Variants in FOXD1 observed in about 807,000 individuals in gnomAD.
FOXD1 encodes forkhead box D1.
FOXD1 carries 4 observed loss-of-function variants against 2.0 expected under a neutral mutation model. That is an observed-to-expected ratio of 2.03 (90% confidence interval 1.00 to 4.64). FOXD1 has a LOEUF of 4.64. FOXD1 is among the 30% of genes most tolerant of loss of function. FOXD1 has a pLI of 0.01. For synonymous variants in FOXD1, 354 were observed against 328.5 expected, an observed-to-expected ratio of 1.08 and a Z score of -0.84; for missense variants, 586 against 647.6, an observed-to-expected ratio of 0.90 and a Z score of 1.03.
rs1745505434 is a variant in FOXD1 at position 73,446,825 on chromosome 5, G to A, written c.*140C>T. Reference sequence around the variant, plus strand: ...GCCCGGGCTGTTGACAGTTTTGTCCGAGAATTCGCAGCGGCGAAAATGGGC... The same window carrying A: ...GCCCGGGCTGTTGACAGTTTTGTCCAAGAATTCGCAGCGGCGAAAATGGGC... On this transcript the variant is annotated 3_prime_UTR_variant, in exon 1 of 1. Coordinates refer to ENST00000615637, the MANE Select transcript of FOXD1 (RefSeq NM_004472.3). The A allele has an allele frequency of 7.9e-6, 6 of 754,866 alleles. No individual in the cohort carries two copies. Among genetic ancestry groups the A allele is most frequent in the South Asian group, 3.0e-5 (2 of 66,684 alleles). 46.8% of individuals were successfully genotyped at this position (754,866 alleles called of 1,614,324 possible). A position where few individuals can be genotyped will look rare whatever the true frequency, so the allele number is the denominator to read the frequency against.
rs996611056 is a variant in FOXD1 at position 73,448,108 on chromosome 5, G to A, written c.255C>T (p.Gly85=). The change falls in exon 1 of 1, where the codon GGC becomes GGT. Residue 85 remains glycine (G), a synonymous_variant. Coordinates refer to ENST00000615637, the MANE Select transcript of FOXD1 (RefSeq NM_004472.3). The part of the protein sequence containing the change: ...DDILLAPPAG[G]SPAPPGPAPA... ...GGGCCGGGCCCGGGGGCGCCGGGGAGCCCCCAGCAGGCGGGGCCAGCAGGA... is the reference window on the plus strand; with the variant it reads ...GGGCCGGGCCCGGGGGCGCCGGGGAACCCCCAGCAGGCGGGGCCAGCAGGA... 89 of 1,216,530 alleles carry A rather than the reference G, an allele frequency of 7.3e-5. No individual in the cohort carries two copies. The highest frequency in any genetic ancestry group is 8.2e-5 in the Non-Finnish European group (80 of 972,540). The allele number at this position is 1,216,530 out of a possible 1,614,324, so 75.4% of individuals were successfully genotyped here. A position where few individuals can be genotyped will look rare whatever the true frequency, so the allele number is the denominator to read the frequency against.
In FOXD1 at chr5:73,446,946, G is replaced by C. The variant is rs1490435352; in HGVS notation, c.*19C>G. On this transcript the variant is annotated 3_prime_UTR_variant, in exon 1 of 1. Transcript: ENST00000615637. ...CCGGGATTCCTACCTTCTTCCTCGAGCGCGCTAACATAGCGTTATTAACAA... is the reference window on the plus strand; with the variant it reads ...CCGGGATTCCTACCTTCTTCCTCGACCGCGCTAACATAGCGTTATTAACAA... The C allele has an allele frequency of 6.5e-7, 1 of 1,535,108 alleles. No individual in the cohort carries two copies. Among genetic ancestry groups the C allele is most frequent in the African/African-American group, 1.4e-5 (1 of 72,414 alleles).
chr5:73,447,097 G>T lies in FOXD1; in HGVS notation c.1266C>A (p.Leu422=), dbSNP rs1241657787. 2.2e-6 allele frequency: 3 copies of T among 1,362,420 alleles called. No individual in the cohort carries two copies. Among genetic ancestry groups the T allele is most frequent in the Admixed American group, 8.0e-5 (2 of 24,996 alleles). 84.4% of individuals were successfully genotyped at this position (1,362,420 alleles called of 1,614,324 possible). ...AQAAVGPAAA[L]TRSLVAAAAA... ...CCGCGGCGGCCACGAGGGATCGGGT[G>T]AGCGCGGCCGCCGGGCCCACGGCCG... The change falls in exon 1 of 1, where the codon CTC becomes CTA. Residue 422 remains leucine, a synonymous_variant. Transcript: ENST00000615637. This position sits in a 1 kb window ranked among gnomAD's most constrained non-coding sequence, Gnocchi z 7.8.
rs1745531335 is a variant in FOXD1, at chr5:73,447,608, G to A, written c.755C>T (p.Ala252Val). ...GGGCGGGAAGAGCGCGGCGGCGGCT[G>A]CCGGGTCGCCCGCGCCCCCTGCGGC... ...AGAAGGAGDPAAAAALFPPAP... is the reference protein window; with the variant it reads ...AGAAGGAGDPVAAAALFPPAP... The change falls in exon 1 of 1, where the codon GCA (alanine) becomes GTA (valine). Residue 252 changes from alanine to valine, a missense_variant. Coordinates refer to ENST00000615637, the MANE Select transcript of FOXD1 (RefSeq NM_004472.3). The surrounding 1 kb of genome is among the most constrained non-coding windows in gnomAD (Gnocchi z 7.8). 12 of 1,225,250 alleles carry A rather than the reference G, an allele frequency of 9.8e-6. No individual in the cohort carries two copies. The highest frequency in any genetic ancestry group is 1.2e-5 in the Non-Finnish European group (12 of 978,604). 75.9% of individuals were successfully genotyped at this position (1,225,250 alleles called of 1,614,324 possible). A position where few individuals can be genotyped will look rare whatever the true frequency, so the allele number is the denominator to read the frequency against.
In FOXD1 at chr5:73,448,308, T is replaced by C. The variant is rs1745550102; in HGVS notation, c.55A>G (p.Ile19Val). The C allele has an allele frequency of 1.4e-6, 2 of 1,458,014 alleles. No homozygotes were observed. The highest frequency in any genetic ancestry group is 2.6e-5 in the South Asian group (2 of 77,534). 90.3% of individuals were successfully genotyped at this position (1,458,014 alleles called of 1,614,324 possible). A position where few individuals can be genotyped will look rare whatever the true frequency, so the allele number is the denominator to read the frequency against. Residue 19 changes from isoleucine to valine, a missense_variant, in exon 1 of 1, where the codon ATC becomes GTC. This residue lies in a region of FOXD1 where 183 missense variants were observed against 159.2 expected (regional missense o/e 1.15). Coordinates refer to ENST00000615637, the MANE Select transcript of FOXD1 (RefSeq NM_004472.3). ...TCCTCGCCCTCCCCCACCACGTCGA[T>C]GTCTGTTTCCTCGGCGAGGCCAGAG... ...DASGLAEETD[I>V]DVVGEGEDEE...
Position 73,448,108 on chromosome 5 carries a change from GCCCC to G in FOXD1, c.251_254del (p.Gly84AlafsTer40). The G allele has an allele frequency of 1.6e-6, 2 of 1,216,634 alleles. No homozygotes were observed. Among genetic ancestry groups the G allele is most frequent in the Non-Finnish European group, 2.1e-6 (2 of 972,532 alleles). The allele number at this position is 1,216,634 out of a possible 1,614,324, so 75.4% of individuals were successfully genotyped here. ...GGGCCGGGCCCGGGGGCGCCGGGGA[GCCCC>G]CAGCAGGCGGGGCCAGCAGGATGTC... On this transcript the variant is annotated frameshift_variant, in exon 1 of 1. Transcript: ENST00000615637. LOFTEE classifies it low-confidence loss of function (END_TRUNC).
At position 73,447,794 on chromosome 5, in the gene FOXD1, G is replaced by A. The variant is rs1745535288; in HGVS notation, c.569C>T (p.Pro190Leu). 6.2e-7 allele frequency: 1 copy of A among 1,610,618 alleles called. No homozygotes were observed. The part of the protein sequence containing the change: ...NDCFVKIPRE[P>L]GNPGKGNYWT... ...GTAGTTGCCCTTGCCCGGGTTGCCG[G>A]GCTCGCGGGGGATCTTGACGAAGCA... The change falls in exon 1 of 1, where the codon CCC becomes CTC. Residue 190 changes from proline (P) to leucine (L), a missense_variant. By Grantham distance (98) the Pro-to-Leu change is moderately conservative (BLOSUM62 -3). Transcript: ENST00000615637. This position sits in a 1 kb window ranked among gnomAD's most constrained non-coding sequence, Gnocchi z 7.8.
At position 73,448,051 on chromosome 5, in the gene FOXD1, GCCGCCC is replaced by G; in HGVS notation, c.306_311del (p.Gly107_Gly108del). On this transcript the variant is annotated inframe_deletion, in exon 1 of 1. Coordinates refer to ENST00000615637, the MANE Select transcript of FOXD1 (RefSeq NM_004472.3). ...CGCCGCCGCCCGCGCCGCCGCCGCCGCCGCCCCCACCGGCTCCTGCCCCCGCCGCCG... is the reference window on the plus strand; with the variant it reads ...CGCCGCCGCCCGCGCCGCCGCCGCCGCCACCGGCTCCTGCCCCCGCCGCCG... 1 of 1,234,388 alleles carries G rather than the reference GCCGCCC, an allele frequency of 8.1e-7. No individual in the cohort carries two copies. 76.5% of individuals were successfully genotyped at this position (1,234,388 alleles called of 1,614,324 possible). A position where few individuals can be genotyped will look rare whatever the true frequency, so the allele number is the denominator to read the frequency against.
chr5:73,447,639 C>G lies in FOXD1; in HGVS notation c.724G>C (p.Ala242Pro), dbSNP rs760884963. ...TCGCCCGCGCCCCCTGCGGCTCCCG[C>G]GCCGCGCAGCAGCAGAGACTCGGCG... Reference protein sequence around the residue: ...AAAESLLLRGAGAAGGAGDPA... With the variant: ...AAAESLLLRGPGAAGGAGDPA... Residue 242 changes from alanine (A) to proline (P), a missense_variant, in exon 1 of 1, where the codon GCG (alanine) becomes CCG (proline). Physicochemically the swap from Ala to Pro is conservative, Grantham distance 27. Around this residue, in one of 4 missense-constraint regions of FOXD1, gnomAD observed 253 missense variants for 234.4 expected, o/e 1.08. Transcript: ENST00000615637. This position sits in a 1 kb window ranked among gnomAD's most constrained non-coding sequence, Gnocchi z 7.8. 7.6e-6 allele frequency: 11 copies of G among 1,443,148 alleles called. No homozygotes were observed. The South Asian group carries it at 1.3e-4, about 17-fold the overall frequency. The allele number at this position is 1,443,148 out of a possible 1,614,324, so 89.4% of individuals were successfully genotyped here.
chr5:73,446,769 A>T lies in FOXD1; in HGVS notation c.*196T>A. ...GCTGTAGCATAGGTCGGCTTTGCAT[A>T]AATAGAGGGACCCGCAGAGCCAAAA... On this transcript the variant is annotated 3_prime_UTR_variant, in exon 1 of 1. Coordinates refer to ENST00000615637, the MANE Select transcript of FOXD1 (RefSeq NM_004472.3). 1.8e-6 allele frequency: 1 copy of T among 546,666 alleles called. No individual in the cohort carries two copies. Among genetic ancestry groups the T allele is most frequent in the South Asian group, 1.8e-5 (1 of 54,824 alleles). The allele number at this position is 546,666 out of a possible 1,614,324, so 33.9% of individuals were successfully genotyped here. A position where few individuals can be genotyped will look rare whatever the true frequency, so the allele number is the denominator to read the frequency against.
rs1425734158 is a variant in FOXD1, at chr5:73,447,058, G to A, written c.1305C>T (p.Ser435=). The A allele has an allele frequency of 7.2e-6, 11 of 1,520,906 alleles. No individual in the cohort carries two copies. The highest frequency in any genetic ancestry group is 2.1e-5 in the Admixed American group (1 of 48,226). The allele number at this position is 1,520,906 out of a possible 1,614,324, so 94.2% of individuals were successfully genotyped here. ...SLVAAAAAAA[S]SVSSSAALGT... is the part of the protein sequence containing the mutation. ...CCAAGGCGGCGGACGAGGAGACTGA[G>A]GAGGCGGCGGCGGCCGCGGCGGCCA... Residue 435 remains serine (S), a synonymous_variant, in exon 1 of 1, where the codon TCC becomes TCT. Transcript: ENST00000615637. This position sits in a 1 kb window ranked among gnomAD's most constrained non-coding sequence, Gnocchi z 7.8.
chr5:73,446,956 A>G lies in FOXD1; in HGVS notation c.*9T>C, dbSNP rs1745508924. The G allele has an allele frequency of 6.5e-7, 1 of 1,539,806 alleles. No homozygotes were observed. The highest frequency in any genetic ancestry group is 1.4e-5 in the African/African-American group (1 of 72,602). On this transcript the variant is annotated 3_prime_UTR_variant, in exon 1 of 1. Coordinates refer to ENST00000615637, the MANE Select transcript of FOXD1 (RefSeq NM_004472.3). Reference sequence around the variant, plus strand: ...TACCTTCTTCCTCGAGCGCGCTAACATAGCGTTATTAACAATTGGAAATCC... The same window carrying G: ...TACCTTCTTCCTCGAGCGCGCTAACGTAGCGTTATTAACAATTGGAAATCC...
chr5:73,447,136 G>A lies in FOXD1; in HGVS notation c.1227C>T (p.Gly409=). The A allele has an allele frequency of 1.7e-6, 2 of 1,188,332 alleles. No homozygotes were observed. Among genetic ancestry groups the A allele is most frequent in the African/African-American group, 1.6e-5 (1 of 61,494 alleles). The allele number at this position is 1,188,332 out of a possible 1,614,324, so 73.6% of individuals were successfully genotyped here. Residue 409 remains glycine, a synonymous_variant, in exon 1 of 1, where the codon GGC becomes GGT. Coordinates refer to ENST00000615637, the MANE Select transcript of FOXD1 (RefSeq NM_004472.3). This position sits in a 1 kb window ranked among gnomAD's most constrained non-coding sequence, Gnocchi z 7.8. ...APPAPGSSGG[G]CAAQAAVGPA... ...GGCCCACGGCCGCCTGCGCCGCGCA[G>A]CCTCCTCCGCTGGATCCGGGAGCTG... is the stretch of plus-strand genomic sequence containing the variant.
chr5:73,448,069 T>C lies in FOXD1; in HGVS notation c.294A>G (p.Ala98=), dbSNP rs1745541766. The C allele has an allele frequency of 8.7e-7, 1 of 1,149,790 alleles. No individual in the cohort carries two copies. Among genetic ancestry groups the C allele is most frequent in the Non-Finnish European group, 1.1e-6 (1 of 932,072 alleles). 71.2% of individuals were successfully genotyped at this position (1,149,790 alleles called of 1,614,324 possible). ...APPGPAPAAG[A]GAGGGGGGGG... ...CGCCGCCGCCGCCCCCACCGGCTCC[T>C]GCCCCCGCCGCCGGGGCCGGGCCCG... The change falls in exon 1 of 1, where the codon GCA becomes GCG. Residue 98 remains alanine, a synonymous_variant. Transcript: ENST00000615637.
rs1475918279 is a variant in FOXD1 at position 73,447,393 on chromosome 5, G to A, written c.970C>T (p.Arg324Trp). ...PPHGAAAELA[R>W]TAFGYRPHPL... ...TGCGGCCGGTAGCCGAAGGCGGTCC[G>A]GGCCAGCTCGGCGGCCGCGCCGTGC... Residue 324 changes from arginine to tryptophan, a missense_variant, in exon 1 of 1, where the codon CGG becomes TGG. Arg to Trp is a moderately radical substitution (Grantham distance 101). Coordinates refer to ENST00000615637, the MANE Select transcript of FOXD1 (RefSeq NM_004472.3). This position sits in a 1 kb window ranked among gnomAD's most constrained non-coding sequence, Gnocchi z 7.8. The A allele has an allele frequency of 6.1e-6, 6 of 982,032 alleles. No homozygotes were observed. The Admixed American group carries it at 1.9e-4, about 31-fold the overall frequency. The allele number at this position is 982,032 out of a possible 1,614,324, so 60.8% of individuals were successfully genotyped here.
At position 73,447,020 on chromosome 5, in the gene FOXD1, T is replaced by C. The variant is rs1156854414; in HGVS notation, c.1343A>G (p.Gln448Arg). ...SSSAALGTLH[Q>R]GTALSSVENF... ...CTCGACACTGGACAGGGCAGTCCCT[T>C]GGTGCAGAGTCCCCAAGGCGGCGGA... The change falls in exon 1 of 1, where the codon CAA becomes CGA. Residue 448 changes from glutamine (Q) to arginine (R), a missense_variant. Gln to Arg is a conservative substitution (Grantham distance 43, BLOSUM62 1). Transcript: ENST00000615637. This position sits in a 1 kb window ranked among gnomAD's most constrained non-coding sequence, Gnocchi z 7.8. 7 of 1,545,672 alleles carry C rather than the reference T, an allele frequency of 4.5e-6. No homozygotes were observed. Among genetic ancestry groups the C allele is most frequent in the Non-Finnish European group, 6.1e-6 (7 of 1,144,466 alleles).
Position 73,448,015 on chromosome 5 carries a change from ACCCGCGCTCCCGCCGCCG to A in FOXD1, c.330_347del (p.Gly111_Gly116del), listed in dbSNP as rs772956061. ...TCACCAGCGGGTTCTTGGCGCCGCTACCCGCGCTCCCGCCGCCGCCCGCGCCGCCGCCGCCGCCGCCCC... is the reference window on the plus strand; with the variant it reads ...TCACCAGCGGGTTCTTGGCGCCGCTACCCGCGCCGCCGCCGCCGCCGCCCC... On this transcript the variant is annotated inframe_deletion, in exon 1 of 1. Transcript: ENST00000615637. 3 of 1,388,412 alleles carry A rather than the reference ACCCGCGCTCCCGCCGCCG, an allele frequency of 2.2e-6. No individual in the cohort carries two copies. The highest frequency in any genetic ancestry group is 1.5e-5 in the African/African-American group (1 of 67,024). 86.0% of individuals were successfully genotyped at this position (1,388,412 alleles called of 1,614,324 possible).
Position 73,447,480 on chromosome 5 carries a change from C to G in FOXD1, c.883G>C (p.Ala295Pro). 5 of 996,608 alleles carry G rather than the reference C, an allele frequency of 5.0e-6. No individual in the cohort carries two copies. The highest frequency in any genetic ancestry group is 5.9e-6 in the Non-Finnish European group (5 of 840,664). 61.7% of individuals were successfully genotyped at this position (996,608 alleles called of 1,614,324 possible). A position where few individuals can be genotyped will look rare whatever the true frequency, so the allele number is the denominator to read the frequency against. ...YAPPSALFAA[A>P]AAAAAAAAFH... ...GCGGCGGCGGCGGCGGCGGCCGCTG[C>G]GGCGGCGAAGAGGGCCGAGGGCGGC... The change falls in exon 1 of 1, where the codon GCA (alanine) becomes CCA (proline). Residue 295 changes from alanine (A) to proline (P), a missense_variant. Coordinates refer to ENST00000615637, the MANE Select transcript of FOXD1 (RefSeq NM_004472.3). This position sits in a 1 kb window ranked among gnomAD's most constrained non-coding sequence, Gnocchi z 7.8.
In FOXD1 at chr5:73,447,352, G is replaced by A. The variant is rs1745522163; in HGVS notation, c.1011C>T (p.Ala337=). The A allele has an allele frequency of 1.1e-5, 11 of 983,390 alleles. No homozygotes were observed. Among genetic ancestry groups the A allele is most frequent in the African/African-American group, 1.8e-5 (1 of 56,654 alleles). 60.9% of individuals were successfully genotyped at this position (983,390 alleles called of 1,614,324 possible). Residue 337 remains alanine (A), a synonymous_variant, in exon 1 of 1, where the codon GCC becomes GCT. Coordinates refer to ENST00000615637, the MANE Select transcript of FOXD1 (RefSeq NM_004472.3). This position sits in a 1 kb window ranked among gnomAD's most constrained non-coding sequence, Gnocchi z 7.8. The stretch of plus-strand genomic sequence containing the variant: ...CGGAGGCCGGCAGGGGGCCGGGTAG[G>A]GCGGCGCCGAGCGGGTGCGGCCGGT... ...FGYRPHPLGA[A]LPGPLPASAA...
Sources: allele counts gnomAD v4.1 joint callset, GRCh38; gene constraint gnomAD v4.1.1; regional missense constraint gnomAD v4.1.1; non-coding constraint Gnocchi (gnomAD v3.1); transcripts MANE v1.5; gene names NCBI Gene and HGNC (gene_info 2026-07-23, HGNC 2026-07-21).